GALNT14: variants seen among roughly 807,000 people sequenced by gnomAD.
The protein encoded by GALNT14 is UDP-GalNAc:polypeptide N-acetylgalactosaminyltransferase 14.
A neutral mutation model predicts 77.5 loss-of-function variants in GALNT14; 60 were observed. The observed-to-expected ratio is 0.77, with a 90% CI of 0.63 to 0.96. The LOEUF (loss-of-function observed/expected upper bound fraction) is 0.96. Ranked by LOEUF, GALNT14 falls within the 40% of genes least tolerant of loss-of-function variation. The pLI is 0.00. For missense variants in GALNT14, 710 were observed against 731.0 expected (o/e 0.97, Z 0.33); for synonymous variants, 280 against 281.7 (o/e 0.99, Z 0.06).
chr2:31,138,154 C>CG lies in GALNT14; in HGVS notation c.-69dup. 6.2e-7 allele frequency: 1 copy of CG among 1,606,046 alleles called. No homozygotes were observed. Among genetic ancestry groups the CG allele is most frequent in the Admixed American group, 1.7e-5 (1 of 59,730 alleles). On this transcript the variant is annotated 5_prime_UTR_variant, in exon 1 of 15. Coordinates refer to ENST00000349752, the MANE Select transcript of GALNT14 (RefSeq NM_024572.4). Reference sequence around the variant, plus strand: ...GGCACCCCCCGGCGGTCAGGGTTGGCGGGGCAGGAGTCCTGGCGAGCGCCT... The same window carrying CG: ...GGCACCCCCCGGCGGTCAGGGTTGGCGGGGGCAGGAGTCCTGGCGAGCGCCT...
intron 2 of GALNT14, among the ~76,000 whole-genome samples, chr2:30,984,424 G>A (rs894381574): frequency 6.6e-6 from 1 of 152,138 alleles, no homozygotes; most frequent in African/African-American, 2.4e-5. Context: ...TGTTATTTAG[G>A]GCATGTCCCA....
chr2:31,069,936 A>G (rs1675239271), intron 1 of GALNT14, among the ~76,000 whole-genome samples: 1 of 152,170 alleles, frequency 6.6e-6, no homozygotes, highest in Admixed American at 6.5e-5. Context: ...CAGAAAGGAA[A>G]GAAATGCATC....
At chr2:30,974,125 C>G (rs1411645286) in intron 2 of GALNT14, among the ~76,000 whole-genome samples, 1 of 152,188 alleles carries the variant, frequency 6.6e-6, no homozygotes, top group African/African-American at 2.4e-5. Flanking sequence ...CACACCTCAG[C>G]CAAGCCTGCT....
At chr2:31,095,744 T>C (rs964996380) in intron 1 of GALNT14, among the ~76,000 whole-genome samples, 3 of 152,182 alleles carry the variant, frequency 2.0e-5, no homozygotes, top group African/African-American at 7.2e-5. Flanking sequence ...CTATAAAAAG[T>C]TCTCGTAGTA....
chr2:31,061,442 C>T (rs146923812), intron 1 of GALNT14, among the ~76,000 whole-genome samples: 4 of 152,326 alleles, frequency 2.6e-5, no homozygotes, highest in Non-Finnish European at 4.4e-5. Context: ...CACGATCACT[C>T]CCAAAGACAA....
chr2:30,950,609 A>C (rs1339945066), intron 6 of GALNT14, among the ~76,000 whole-genome samples: 1 of 152,214 alleles, frequency 6.6e-6, no homozygotes, highest in African/African-American at 2.4e-5. Flanking sequence ...AGGTCATTAA[A>C]GGAGTCAGAG....
At chr2:31,015,875 G>C (rs1315063098) in intron 1 of GALNT14, among the ~76,000 whole-genome samples, 2 of 152,210 alleles carry the variant, frequency 1.3e-5, no homozygotes, top group Non-Finnish European at 2.9e-5. Flanking sequence ...ATGCAAGGTG[G>C]ATCCTGGCTT....
chr2:30,942,986 A>G (rs1666471522), intron 8 of GALNT14, among the ~76,000 whole-genome samples: 1 of 152,178 alleles, frequency 6.6e-6, no homozygotes, highest in African/African-American at 2.4e-5. Flanking sequence ...TTGGACTCAG[A>G]GACAGACACA....
At chr2:31,009,646 C>A (rs9636424) in intron 1 of GALNT14, among the ~76,000 whole-genome samples, 11,319 of 152,260 alleles carry the variant, frequency 0.074, 658 homozygotes, top group East Asian at 0.27. Context: ...TCTCACCTTG[C>A]ATGGATTTCA....
At chr2:31,037,418 C>T (rs1263567370) in intron 1 of GALNT14, among the ~76,000 whole-genome samples, 3 of 152,190 alleles carry the variant, frequency 2.0e-5, no homozygotes, top group Non-Finnish European at 4.4e-5. Flanking sequence ...CTAGACACTA[C>T]TTCCTTTAGT....
Position 30,912,324 on chromosome 2 carries a change from T to G in GALNT14, c.1399A>C (p.Thr467Pro). The G allele has an allele frequency of 6.2e-7, 1 of 1,614,050 alleles. No homozygotes were observed. Among genetic ancestry groups the G allele is most frequent in the Non-Finnish European group, 8.5e-7 (1 of 1,180,002 alleles). ...AGCTCCTCCTGGAGGATCTGCTGGG[T>G]GTATGTGAAGGCCCATACCTGGGGA... ...AKSQVWAFTYTQQILQEELCL... is the reference protein window; with the variant it reads ...AKSQVWAFTYPQQILQEELCL... The change falls in exon 14 of 15, where the codon ACC (threonine) becomes CCC (proline). Residue 467 changes from threonine (T) to proline (P), a missense_variant. Thr to Pro is a conservative substitution (Grantham distance 38). Coordinates refer to ENST00000349752, the MANE Select transcript of GALNT14 (RefSeq NM_024572.4).
At chr2:30,990,940 C>T (rs2241430) in intron 2 of GALNT14, among the ~76,000 whole-genome samples, 52,945 of 152,080 alleles carry the variant, frequency 0.35, 10,480 homozygotes, top group African/African-American at 0.54. Flanking sequence ...TCTTAACAGA[C>T]GGAACACACT....
intron 1 of GALNT14, among the ~76,000 whole-genome samples, chr2:31,038,095 T>TATATATATATATAA (rs1558514701): frequency 2.4e-5 from 2 of 84,888 alleles, no homozygotes; most frequent in South Asian, 4.3e-4. Flanking sequence ...TTTTTTTTTT[T>TATATATATATATAA]TTTTTTTTTT....
chr2:30,927,137 C>G (rs985924218), intron 11 of GALNT14, among the ~76,000 whole-genome samples: 2 of 152,100 alleles, frequency 1.3e-5, no homozygotes, highest in Non-Finnish European at 2.9e-5. Context: ...AGTGTGGTTC[C>G]CAAACTTGTC....
rs571556037 is a variant in GALNT14 at position 30,963,607 on chromosome 2, T to G, written c.398+2597A>C. ...ACATACACTGTAATGCCCCCAAATG[T>G]CTGAGACATTCCCCAGAGGAACGTT... On this transcript the variant is annotated intron_variant, in intron 3 of 14. Coordinates refer to ENST00000349752, the MANE Select transcript of GALNT14 (RefSeq NM_024572.4). Among the ~76,000 whole-genome samples, 7 of 152,308 alleles carry G rather than the reference T, an allele frequency of 4.6e-5. No homozygotes were observed. In the East Asian group the frequency reaches 1.4e-3, roughly 29 times the overall value.
intron 1 of GALNT14, among the ~76,000 whole-genome samples, chr2:31,029,834 A>G (rs894689531): frequency 6.6e-6 from 1 of 152,174 alleles, no homozygotes; most frequent in African/African-American, 2.4e-5. Context: ...ATTTTTTTGT[A>G]TATTTGTATA....
intron 1 of GALNT14, among the ~76,000 whole-genome samples, chr2:31,006,433 G>A (rs574482337): frequency 6.0e-4 from 91 of 152,176 alleles, no homozygotes; most frequent in African/African-American, 2.1e-3. Context: ...CAAACCCAAG[G>A]CAGGTGCTTC....
intron 1 of GALNT14, among the ~76,000 whole-genome samples, chr2:31,047,187 C>A (rs1471716741): frequency 2.0e-5 from 3 of 152,160 alleles, no homozygotes; most frequent in African/African-American, 7.2e-5. Context: ...TGGTTGAGAA[C>A]AGGGGCTCCA....
intron 1 of GALNT14, among the ~76,000 whole-genome samples, chr2:31,117,372 A>C (rs12998805): frequency 1.3e-5 from 2 of 152,060 alleles, no homozygotes; most frequent in Non-Finnish European, 2.9e-5. Flanking sequence ...GGCTGCATGC[A>C]AAAGAAATGT....
Sources: allele counts gnomAD v4.1 joint callset (sites outside exome capture counted in the v4.1 genomes callset), GRCh38; gene constraint gnomAD v4.1.1; transcripts MANE v1.5; gene names NCBI Gene and HGNC (gene_info 2026-07-23, HGNC 2026-07-21).